PDE7A: variants seen among roughly 807,000 people sequenced by gnomAD.
PDE7A encodes the protein high affinity 3',5'-cyclic-AMP phosphodiesterase 7A.
In PDE7A, 39 loss-of-function variants were observed where a neutral mutation model predicts 64.3. That is an observed-to-expected ratio of 0.61 (90% CI 0.47 to 0.79). PDE7A has a LOEUF of 0.79. PDE7A is among the 30% of genes least tolerant of loss of function. The pLI is 0.00. For synonymous variants in PDE7A, 203 were observed against 206.8 expected (o/e 0.98, Z 0.16); for missense variants, 470 against 582.8 (o/e 0.81, Z 1.99).
chr8:65,746,265 C>T (rs1017176149), intron 4 of PDE7A, among the ~76,000 whole-genome samples: 4 of 151,896 alleles, frequency 2.6e-5, no homozygotes, highest in African/African-American at 4.8e-5. Context: ...ATTTTAGGGA[C>T]GTAGAAACAA....
At chr8:65,788,801 G>C in intron 1 of PDE7A, 1 of 905,650 alleles carries the variant, frequency 1.1e-6, no homozygotes, top group Non-Finnish European at 1.8e-6. Flanking sequence ...GCAAAAGGAG[G>C]AGAAAATCGA....
At chr8:65,781,420 G>A (rs1426438203) in intron 2 of PDE7A, among the ~76,000 whole-genome samples, 1 of 152,182 alleles carries the variant, frequency 6.6e-6, no homozygotes, top group Non-Finnish European at 1.5e-5. Flanking sequence ...AGAGGAGTCA[G>A]ATGATTATGT....
chr8:65,729,742 G>A (rs1189402981), intron 7 of PDE7A, among the ~76,000 whole-genome samples: 1 of 148,378 alleles, frequency 6.7e-6, no homozygotes, highest in African/African-American at 2.5e-5. Flanking sequence ...TTTTTTTTTG[G>A]TACTTTTATA....
chr8:65,789,047 G>A (rs991653135), intron 1 of PDE7A: 1 of 1,506,518 alleles, frequency 6.6e-7, no homozygotes, highest in South Asian at 1.4e-5. Flanking sequence ...AAAAGAGAGG[G>A]GACACTGACT....
chr8:65,792,844 A>G (rs1025079073), intron 1 of PDE7A, among the ~76,000 whole-genome samples: 9 of 152,236 alleles, frequency 5.9e-5, no homozygotes, highest in Non-Finnish European at 1.2e-4. Flanking sequence ...AAAAGCTTCC[A>G]TAACAAAAAA....
chr8:65,744,487 C>T (rs1202113508), intron 5 of PDE7A, among the ~76,000 whole-genome samples: 1 of 152,132 alleles, frequency 6.6e-6, no homozygotes, highest in Non-Finnish European at 1.5e-5. Context: ...AATAAGAAAA[C>T]ATGACCCCTC....
intron 3 of PDE7A, among the ~76,000 whole-genome samples, chr8:65,777,451 A>T (rs941198281): frequency 6.6e-6 from 1 of 152,186 alleles, no homozygotes; most frequent in Non-Finnish European, 1.5e-5. Context: ...TCCTGGAAAA[A>T]TACTAATTAG....
At chr8:65,825,800 G>T (rs532774149) in intron 1 of PDE7A, among the ~76,000 whole-genome samples, 1 of 152,320 alleles carries the variant, frequency 6.6e-6, no homozygotes, top group East Asian at 1.9e-4. Context: ...ACACAGTAGT[G>T]AATAGGGTAA....
chr8:65,758,197 A>G (rs760893379), intron 3 of PDE7A, among the ~76,000 whole-genome samples: 1 of 152,304 alleles, frequency 6.6e-6, no homozygotes, highest in East Asian at 1.9e-4. Context: ...CCACTAGGCA[A>G]TAACAGCCGT....
chr8:65,728,713 T>C (rs1806711177), intron 7 of PDE7A: 1 of 152,210 alleles, frequency 6.6e-6, no homozygotes, highest in African/African-American at 2.4e-5. Context: ...CTATGTCTTA[T>C]GAACATGTAA....
intron 3 of PDE7A, among the ~76,000 whole-genome samples, chr8:65,763,513 C>T (rs1020868550): frequency 1.3e-5 from 2 of 151,990 alleles, no homozygotes; most frequent in South Asian, 2.1e-4. Flanking sequence ...TGAGGTGAGC[C>T]GAGATCATGC....
At chr8:65,733,858 T>C (rs1374723155) in intron 7 of PDE7A, among the ~76,000 whole-genome samples, 1 of 152,194 alleles carries the variant, frequency 6.6e-6, no homozygotes, top group African/African-American at 2.4e-5. Flanking sequence ...TTGGTCATCC[T>C]GTTTCCCGCC....
intron 1 of PDE7A, among the ~76,000 whole-genome samples, chr8:65,798,206 A>ATATATATATATATT: frequency 2.0e-4 from 15 of 73,798 alleles, no homozygotes; most frequent in African/African-American, 8.2e-4. Flanking sequence ...ATATATATAT[A>ATATATATATATATT]TTTTTTTTTT....
intron 1 of PDE7A, 114 bp downstream of exon 1, chr8:65,841,257 T>A (rs1334732389): frequency 1.7e-6 from 2 of 1,199,542 alleles, no homozygotes; most frequent in Non-Finnish European, 2.2e-6. Context: ...AGCCTAGAAA[T>A]CCCCAGACAA....
At chr8:65,808,611 G>A (rs369641873) in intron 1 of PDE7A, among the ~76,000 whole-genome samples, 1 of 152,066 alleles carries the variant, frequency 6.6e-6, no homozygotes, top group Admixed American at 6.6e-5. Flanking sequence ...CATTACAGAT[G>A]ATTCTTATTA....
At chr8:65,785,173 T>C (rs74963500) in intron 1 of PDE7A, among the ~76,000 whole-genome samples, 1,985 of 152,168 alleles carry the variant, frequency 0.013, 21 homozygotes, top group Non-Finnish European at 0.018. Context: ...TCATGAAATA[T>C]AAGAGGAACA....
intron 12 of PDE7A, chr8:65,721,797 A>ATTTTTTTTTTT (rs57656696): frequency 2.4e-5 from 3 of 125,410 alleles, no homozygotes; most frequent in Admixed American, 8.0e-5. Flanking sequence ...TCTTTTGTCC[A>ATTTTTTTTTTT]TTTTTTTTTT....
chr8:65,785,993 C>T (rs995328534), intron 1 of PDE7A, among the ~76,000 whole-genome samples: 3 of 151,932 alleles, frequency 2.0e-5, no homozygotes, highest in East Asian at 1.9e-4. Flanking sequence ...CTGGGTAATG[C>T]GCATAGTCTA....
At chr8:65,816,073 T>C (rs1186880406) in intron 1 of PDE7A, among the ~76,000 whole-genome samples, 1 of 152,150 alleles carries the variant, frequency 6.6e-6, no homozygotes, top group African/African-American at 2.4e-5. Context: ...CACATGTTAT[T>C]TATGTTAACA....
Sources: allele counts gnomAD v4.1 joint callset (sites outside exome capture counted in the v4.1 genomes callset), GRCh38; gene constraint gnomAD v4.1.1; transcripts MANE v1.5; gene names NCBI Gene and HGNC (gene_info 2026-07-23, HGNC 2026-07-21).